Variants in DISC1 observed in about 807,000 individuals in gnomAD.
DISC1 encodes disrupted in schizophrenia 1 protein.
A neutral mutation model predicts 84.5 loss-of-function variants in DISC1; 57 were observed. The observed-to-expected ratio is 0.67, with a 90% confidence interval of 0.55 to 0.84. The LOEUF (loss-of-function observed/expected upper bound fraction) is 0.84, where lower values mean the gene tolerates loss of function less well. DISC1 is among the 40% of genes least tolerant of loss of function. The probability of loss-of-function intolerance (pLI) is 0.00; values close to 1 mark genes in which losing one functional copy is unlikely to be tolerated. For synonymous variants in DISC1, 411 were observed against 415.2 expected (o/e 0.99, Z 0.12); for missense variants, 1,000 against 1,057.8 (o/e 0.95, Z 0.76).
intron 9 of DISC1, among the ~76,000 whole-genome samples, chr1:231,935,201 A>T (rs2090906593): frequency 6.6e-6 from 1 of 152,214 alleles, no homozygotes; most frequent in Admixed American, 6.5e-5. Context: ...GTGACATCTA[A>T]CAGGGGAAAA....
intron 3 of DISC1, among the ~76,000 whole-genome samples, chr1:231,704,439 A>G (rs1202556435): frequency 6.6e-6 from 1 of 152,182 alleles, no homozygotes; most frequent in African/African-American, 2.4e-5. Context: ...TACTGTGAAT[A>G]ACCTGGGTTG....
chr1:232,021,536 C>A (rs1668965796), intron 11 of DISC1, among the ~76,000 whole-genome samples: 1 of 152,164 alleles, frequency 6.6e-6, no homozygotes, highest in Admixed American at 6.5e-5. Flanking sequence ...GAGTTCCCCT[C>A]CCTGAGAGAA....
chr1:231,999,502 T>C (rs912619575), intron 10 of DISC1, among the ~76,000 whole-genome samples: 1 of 151,932 alleles, frequency 6.6e-6, no homozygotes, highest in Non-Finnish European at 1.5e-5. Context: ...GGCCTCCAAC[T>C]CCCTTCCCCT....
intron 8 of DISC1, among the ~76,000 whole-genome samples, chr1:231,803,754 C>G (rs985834993): frequency 7.2e-5 from 11 of 151,972 alleles, no homozygotes; most frequent in Non-Finnish European, 1.3e-4. Context: ...CAAGACCATC[C>G]TGGCTAACAT....
chr1:231,917,037 T>G (rs564338640), intron 9 of DISC1, among the ~76,000 whole-genome samples: 2 of 152,316 alleles, frequency 1.3e-5, no homozygotes, highest in Admixed American at 6.5e-5. Context: ...ATCTACACCC[T>G]CTTTCGGGGT....
chr1:231,870,263 G>A (rs915822214), intron 9 of DISC1, among the ~76,000 whole-genome samples: 3 of 152,234 alleles, frequency 2.0e-5, no homozygotes, highest in African/African-American at 4.8e-5. Flanking sequence ...GTAAGATAAG[G>A]GCCAGTGTGA....
chr1:231,931,285 C>T (rs2090638228), intron 9 of DISC1, among the ~76,000 whole-genome samples: 1 of 152,136 alleles, frequency 6.6e-6, no homozygotes, highest in African/African-American at 2.4e-5. Flanking sequence ...CCTTGACTCA[C>T]CCTGGACCTG....
intron 1 of DISC1, among the ~76,000 whole-genome samples, chr1:231,662,267 T>G (rs1365906454): frequency 6.6e-6 from 1 of 152,252 alleles, no homozygotes; most frequent in African/African-American, 2.4e-5. Context: ...TGCTGCTTTT[T>G]GTCTGAGGAG....
chr1:231,752,429 C>T (rs1159006263), intron 4 of DISC1, among the ~76,000 whole-genome samples: 1 of 152,036 alleles, frequency 6.6e-6, no homozygotes, highest in African/African-American at 2.4e-5. Flanking sequence ...TTTTAAACAA[C>T]GAGATCTCAT....
intron 10 of DISC1, among the ~76,000 whole-genome samples, chr1:231,978,350 G>C (rs996731659): frequency 5.3e-5 from 8 of 152,036 alleles, no homozygotes; most frequent in Non-Finnish European, 1.0e-4. Flanking sequence ...TACTTCATGA[G>C]GGGGGGTTAC....
chr1:231,806,642 C>T (rs968338279), intron 8 of DISC1, among the ~76,000 whole-genome samples: 2 of 151,632 alleles, frequency 1.3e-5, no homozygotes, highest in African/African-American at 4.8e-5. Flanking sequence ...TGAGGTCCTG[C>T]AGGGTTCGAG....
intron 11 of DISC1, among the ~76,000 whole-genome samples, chr1:232,023,164 C>T (rs1669123279): frequency 6.6e-6 from 1 of 152,084 alleles, no homozygotes; most frequent in African/African-American, 2.4e-5. Flanking sequence ...ATAAAAATTT[C>T]CCATAATACT....
chr1:231,762,072 A>T (rs2075710197), intron 4 of DISC1, among the ~76,000 whole-genome samples: 1 of 151,038 alleles, frequency 6.6e-6, no homozygotes, highest in Admixed American at 6.6e-5. Context: ...GACACATTTT[A>T]TCTTTTTTTC....
chr1:231,736,343 G>A (rs1314026928), intron 3 of DISC1, among the ~76,000 whole-genome samples: 1 of 152,152 alleles, frequency 6.6e-6, no homozygotes, highest in East Asian at 1.9e-4. Flanking sequence ...AAAGCCCAGA[G>A]GTTAGCACCG....
intron 10 of DISC1, among the ~76,000 whole-genome samples, chr1:231,976,130 T>C (rs979964079): frequency 3.3e-5 from 5 of 152,152 alleles, no homozygotes; most frequent in African/African-American, 1.2e-4. Flanking sequence ...CCAGGACAGG[T>C]GCCAGGAGCA....
At chr1:231,703,916 T>G (rs540533532) in intron 3 of DISC1, among the ~76,000 whole-genome samples, 1 of 152,188 alleles carries the variant, frequency 6.6e-6, no homozygotes, top group Non-Finnish European at 1.5e-5. Context: ...GTGCAGAGTT[T>G]ATGCTAGTGA....
intron 1 of DISC1, among the ~76,000 whole-genome samples, chr1:231,664,790 A>G (rs2061872885): frequency 6.6e-6 from 1 of 152,260 alleles, no homozygotes; most frequent in South Asian, 2.1e-4. Flanking sequence ...ACAGGTTTGA[A>G]CTGTGAGTCC....
chr1:231,775,559 T>G (rs558030074), intron 6 of DISC1, among the ~76,000 whole-genome samples: 1 of 152,298 alleles, frequency 6.6e-6, no homozygotes, highest in South Asian at 2.1e-4. Flanking sequence ...AGAGACATCA[T>G]AGACACTTTT....
At chr1:231,875,417 G>T (rs1035644066) in intron 9 of DISC1, among the ~76,000 whole-genome samples, 1 of 152,116 alleles carries the variant, frequency 6.6e-6, no homozygotes, top group Non-Finnish European at 1.5e-5. Context: ...CTGCCTGGGC[G>T]CTCTGGCAAT....
Sources: allele counts gnomAD v4.1 joint callset (sites outside exome capture counted in the v4.1 genomes callset), GRCh38; gene constraint gnomAD v4.1.1; transcripts MANE v1.5; gene names NCBI Gene and HGNC (gene_info 2026-07-23, HGNC 2026-07-21).